Variants in KIF26B observed in about 807,000 individuals in gnomAD.
KIF26B encodes the protein kinesin-like protein KIF26B.
A neutral mutation model predicts 151.2 loss-of-function variants in KIF26B; 63 were observed. That is an observed-to-expected ratio of 0.42 (90% CI 0.34 to 0.51). The LOEUF is 0.51. Among genes scored for constraint, KIF26B ranks in the 20% least tolerant of loss-of-function variants. The pLI, the probability that KIF26B is intolerant of heterozygous loss-of-function variation, is 0.07. For missense variants in KIF26B, 2,813 were observed against 2,913.6 expected, an observed-to-expected ratio of 0.97 and a Z score of 0.79; for synonymous variants, 1,357 against 1,262.1, an observed-to-expected ratio of 1.08 and a Z score of -1.59.
At chr1:245,264,767 C>T (rs1051838367) in intron 2 of KIF26B, among the ~76,000 whole-genome samples, 15 of 149,868 alleles carry the variant, frequency 1.0e-4, no homozygotes, top group African/African-American at 3.7e-4. Context: ...GTGGCGGGCT[C>T]CTGTAGTCCC....
intron 4 of KIF26B, among the ~76,000 whole-genome samples, chr1:245,428,580 G>A (rs769242499): frequency 1.3e-5 from 2 of 152,200 alleles, no homozygotes; most frequent in Non-Finnish European, 2.9e-5. Context: ...CTGTTCTGTT[G>A]TTGGGGGTGC....
intron 2 of KIF26B, among the ~76,000 whole-genome samples, chr1:245,364,459 G>T (rs994966365): frequency 7.1e-5 from 8 of 113,048 alleles, no homozygotes; most frequent in Middle Eastern, 9.8e-3. Context: ...ATGGAGTCTT[G>T]CTCTGTTGCC....
rs1669076006 is a variant in KIF26B at position 245,190,258 on chromosome 1, T to C, written c.465+33575T>C. ...ACACAGCCAGACCATATCAGCAGCC[T>C]ATGGGATGTTCCCCCGAGGGCTCCA... On this transcript the variant is annotated intron_variant, in intron 2 of 14. Transcript: ENST00000407071. Among the ~76,000 whole-genome samples the C allele has an allele frequency of 2.0e-5, 3 of 152,206 alleles. No individual in the cohort carries two copies. In the South Asian group the frequency reaches 6.2e-4, roughly 32 times the overall value.
intron 2 of KIF26B, among the ~76,000 whole-genome samples, chr1:245,203,660 CT>C (rs2103539383): frequency 1.3e-5 from 2 of 152,320 alleles, no homozygotes; most frequent in South Asian, 4.1e-4. Context: ...AGGAAGTGGA[CT>C]TTTACATGGT....
chr1:245,606,800 C>G lies in KIF26B; in HGVS notation c.1558-851C>G, dbSNP rs908660347. On this transcript the variant is annotated intron_variant, in intron 6 of 14. Coordinates refer to ENST00000407071, the MANE Select transcript of KIF26B (RefSeq NM_018012.4). The surrounding 1 kb of genome is among the most constrained non-coding windows in gnomAD (Gnocchi z 4.6). ...AGCATGGGACGGGCGCAGTGGCTCA[C>G]GCCTGTAATCCCAGCACTTTGGGAG... Among the ~76,000 whole-genome samples, 3 of 152,126 alleles carry G rather than the reference C, an allele frequency of 2.0e-5. No individual in the cohort carries two copies. The highest frequency in any genetic ancestry group is 4.4e-5 in the Non-Finnish European group (3 of 68,012).
chr1:245,230,188 A>G (rs1669966841), intron 2 of KIF26B, among the ~76,000 whole-genome samples: 1 of 151,760 alleles, frequency 6.6e-6, no homozygotes, highest in Non-Finnish European at 1.5e-5. Context: ...CAGAACCCAC[A>G]CCTACAGTGT....
At chr1:245,349,076 G>A (rs1447524863) in intron 2 of KIF26B, among the ~76,000 whole-genome samples, 2 of 152,166 alleles carry the variant, frequency 1.3e-5, no homozygotes, top group South Asian at 2.1e-4. Flanking sequence ...AGAGACCTCC[G>A]TGAGAGCAGG....
chr1:245,688,423 G>A lies in KIF26B; in HGVS notation c.5440G>A (p.Gly1814Ser), dbSNP rs2044568731. The change falls in exon 12 of 15, where the codon GGT (glycine) becomes AGT (serine). Residue 1814 changes from glycine to serine, a missense_variant. Transcript: ENST00000407071. Reference sequence around the variant, plus strand: ...CGGGCGCATCTCGGAGCTGCTGCAGGGTGGCGCGGGCGCCCGGGGCTTGCA... The same window carrying A: ...CGGGCGCATCTCGGAGCTGCTGCAGAGTGGCGCGGGCGCCCGGGGCTTGCA... ...VSGRISELLQ[G>S]GAGARGLQLR... The A allele has an allele frequency of 7.0e-7, 1 of 1,430,272 alleles. No individual in the cohort carries two copies. Among genetic ancestry groups the A allele is most frequent in the African/African-American group, 1.5e-5 (1 of 67,114 alleles). The allele number at this position is 1,430,272 out of a possible 1,614,324, so 88.6% of individuals were successfully genotyped here.
At position 245,516,505 on chromosome 1, in the gene KIF26B, G is replaced by A. The variant is rs979188159; in HGVS notation, c.1167-24262G>A. On this transcript the variant is annotated intron_variant, in intron 4 of 14. Transcript: ENST00000407071. This position sits in a 1 kb window ranked among gnomAD's most constrained non-coding sequence, Gnocchi z 4.2. ...GCTGCAGCTGCCTTTGCTATACAGTGAATACACTGTGGGTCTATTATTCGC... is the reference window on the plus strand; with the variant it reads ...GCTGCAGCTGCCTTTGCTATACAGTAAATACACTGTGGGTCTATTATTCGC... Among the ~76,000 whole-genome samples the A allele has an allele frequency of 5.3e-5, 8 of 152,246 alleles. No individual in the cohort carries two copies. The highest frequency in any genetic ancestry group is 1.2e-4 in the Non-Finnish European group (8 of 68,026).
chr1:245,589,028 G>A (rs1233512870), intron 5 of KIF26B, among the ~76,000 whole-genome samples: 1 of 152,196 alleles, frequency 6.6e-6, no homozygotes, highest in African/African-American at 2.4e-5. Flanking sequence ...GAAGTTACGA[G>A]AACGTAGCGT....
At chr1:245,337,246 A>C (rs896164177) in intron 2 of KIF26B, among the ~76,000 whole-genome samples, 1 of 148,276 alleles carries the variant, frequency 6.7e-6, no homozygotes, top group Non-Finnish European at 1.5e-5. Context: ...ATCTCGGCTC[A>C]CTGCAACCTC....
rs1420762020 is a variant in KIF26B at position 245,702,620 on chromosome 1, T to A, written c.*14T>A. On this transcript the variant is annotated 3_prime_UTR_variant, in exon 15 of 15. Coordinates refer to ENST00000407071, the MANE Select transcript of KIF26B (RefSeq NM_018012.4). This position sits in a 1 kb window ranked among gnomAD's most constrained non-coding sequence, Gnocchi z 4.1. ...AGGCGCCGGTAGATGAGCCAGACCCTTGTCCTAGTGGTCCCCCGCTCCCCA... is the reference window on the plus strand; with the variant it reads ...AGGCGCCGGTAGATGAGCCAGACCCATGTCCTAGTGGTCCCCCGCTCCCCA... 4 of 1,611,244 alleles carry A rather than the reference T, an allele frequency of 2.5e-6. No homozygotes were observed. The highest frequency in any genetic ancestry group is 3.4e-6 in the Non-Finnish European group (4 of 1,178,286).
At chr1:245,614,915 GACCTTTAAAATC>G in intron 9 of KIF26B, 1 of 57,302 alleles carries the variant, frequency 1.7e-5, no homozygotes, top group South Asian at 6.4e-4. Context: ...AGGAGATGCA[GACCTTTAAAATC>G]GGATAGGGAT....
intron 2 of KIF26B, among the ~76,000 whole-genome samples, chr1:245,281,960 C>T (rs1223840506): frequency 6.6e-6 from 1 of 151,956 alleles, no homozygotes; most frequent in Non-Finnish European, 1.5e-5. Context: ...TTCCATTGAT[C>T]TATATCTCTG....
chr1:245,465,224 C>T (rs1017266025), intron 4 of KIF26B, among the ~76,000 whole-genome samples: 1 of 152,124 alleles, frequency 6.6e-6, no homozygotes, highest in Non-Finnish European at 1.5e-5. Flanking sequence ...GTGATCCGCC[C>T]GCCTCGGCCT....
chr1:245,649,344 G>A (rs1434746869), intron 10 of KIF26B, among the ~76,000 whole-genome samples: 2 of 152,242 alleles, frequency 1.3e-5, no homozygotes, highest in East Asian at 1.9e-4. Flanking sequence ...CAGAGGCCTC[G>A]ACAGTTCCCA....
intron 10 of KIF26B, among the ~76,000 whole-genome samples, chr1:245,672,744 A>C (rs1441312875): frequency 1.3e-5 from 2 of 152,160 alleles, no homozygotes; most frequent in Admixed American, 1.3e-4. Context: ...ATCTAGTATA[A>C]TTACCAAGCC....
At chr1:245,538,955 A>G (rs111408889) in intron 4 of KIF26B, among the ~76,000 whole-genome samples, 2,838 of 152,076 alleles carry the variant, frequency 0.019, 108 homozygotes, top group African/African-American at 0.065. Flanking sequence ...GAATAATTCC[A>G]TTTCACCCTT....
intron 4 of KIF26B, among the ~76,000 whole-genome samples, chr1:245,489,358 C>T (rs571772289): frequency 1.2e-3 from 189 of 152,272 alleles, no homozygotes; most frequent in Middle Eastern, 3.4e-3. Context: ...AATGTAGGAA[C>T]GATATTTGTA....
Sources: gnomAD v4.1 joint callset for allele counts (sites outside exome capture counted in the v4.1 genomes callset) on GRCh38, gnomAD v4.1.1 for gene constraint, Gnocchi (gnomAD v3.1) non-coding constraint, MANE v1.5 for transcripts, NCBI Gene and HGNC (gene_info 2026-07-23, HGNC 2026-07-21) for gene names.